The following ASPH variants were observed in gnomAD, a reference collection of about 807,000 sequenced individuals.
The protein encoded by ASPH is aspartate beta-hydroxylase.
In ASPH, 100 loss-of-function variants were observed where a neutral mutation model predicts 118.4. The observed-to-expected ratio is 0.84, with a 90% CI of 0.72 to 1.00. ASPH has a LOEUF of 1.00. Ranked by LOEUF, ASPH falls within the 50% of genes least tolerant of loss-of-function variation. ASPH has a pLI of 0.00. For synonymous variants in ASPH, 315 were observed against 325.6 expected (o/e 0.97, Z 0.35); for missense variants, 920 against 919.5 (o/e 1.00, Z -0.01).
At chr8:61,517,258 A>T in intron 24 of ASPH, 1 of 390,386 alleles carries the variant, frequency 2.6e-6, no homozygotes, top group Non-Finnish European at 4.7e-6. Flanking sequence ...ACATCTGTCT[A>T]CCCAGAGAGA....
intron 21 of ASPH, among the ~76,000 whole-genome samples, chr8:61,529,900 T>G (rs562747640): frequency 6.6e-6 from 1 of 152,324 alleles, no homozygotes; most frequent in South Asian, 2.1e-4. Context: ...CATGAATGTT[T>G]TGCCCTTAAG....
chr8:61,562,793 C>A lies in ASPH; in HGVS notation c.1388G>T (p.Gly463Val), dbSNP rs1201419884. Residue 463 changes from glycine (G) to valine (V), a missense_variant, in exon 18 of 25, where the codon GGA becomes GTA. Coordinates refer to ENST00000379454, the MANE Select transcript of ASPH (RefSeq NM_004318.4). ...GTCATTATCTCCTATCAAGAGGTAT[C>A]CCACGCCAAGGTCATTTTTTAAGGA... Reference protein sequence around the residue: ...DTSLKNDLGVGYLLIGDNDNA... With the variant: ...DTSLKNDLGVVYLLIGDNDNA... 3 of 1,612,384 alleles carry A rather than the reference C, an allele frequency of 1.9e-6. No individual in the cohort carries two copies. The highest frequency in any genetic ancestry group is 2.5e-6 in the Non-Finnish European group (3 of 1,179,370).
chr8:61,642,503 G>T (rs1315366683), intron 10 of ASPH, among the ~76,000 whole-genome samples: 1 of 152,196 alleles, frequency 6.6e-6, no homozygotes, highest in Non-Finnish European at 1.5e-5. Flanking sequence ...ATAGTTTAAA[G>T]CATAATGTTC....
chr8:61,521,006 C>A (rs529523126), intron 22 of ASPH, among the ~76,000 whole-genome samples: 7 of 152,340 alleles, frequency 4.6e-5, no homozygotes, highest in African/African-American at 1.7e-4. Context: ...CATTCATGCA[C>A]TGTCACTGGT....
rs140028454 is a variant in ASPH, at chr8:61,564,653, C to A, written c.1301-1773G>T. Reference sequence around the variant, plus strand: ...TGCCCGCATTGCCTCTCTGGAGTCCCGGCCCTGCCTTTTCTGTGCTGAATT... The same window carrying A: ...TGCCCGCATTGCCTCTCTGGAGTCCAGGCCCTGCCTTTTCTGTGCTGAATT... On this transcript the variant is annotated intron_variant, in intron 17 of 24. Transcript: ENST00000379454. 1.1e-3 allele frequency among the ~76,000 whole-genome samples: 172 copies of A among 152,298 alleles called. 1 individual carries two copies. The East Asian group carries it at 0.029, about 25-fold the overall frequency.
intron 22 of ASPH, among the ~76,000 whole-genome samples, chr8:61,519,296 A>C (rs1812073839): frequency 6.6e-6 from 1 of 152,186 alleles, no homozygotes; most frequent in South Asian, 2.1e-4. Flanking sequence ...CATTCATGAC[A>C]TACCTAATTT....
chr8:61,645,858 G>A (rs1807671206), intron 6 of ASPH, among the ~76,000 whole-genome samples: 1 of 152,184 alleles, frequency 6.6e-6, no homozygotes. Flanking sequence ...GTGCAAAGTA[G>A]ATAAACTACT....
At chr8:61,625,546 G>A (rs1852451357) in intron 13 of ASPH, 1 of 985,038 alleles carries the variant, frequency 1.0e-6, no homozygotes, top group South Asian at 4.7e-5. Flanking sequence ...TAATAGTAGG[G>A]CCATTCTTTT....
chr8:61,576,466 A>T (rs1380884127), intron 16 of ASPH: 3 of 236,434 alleles, frequency 1.3e-5, no homozygotes, highest in African/African-American at 6.8e-5. Context: ...AGGAGCCTCA[A>T]GTGAACACTG....
At position 61,503,264 on chromosome 8, in the gene ASPH, A is replaced by G. The variant is rs1805233181; in HGVS notation, c.*95T>C. ...CTCGGGCTGCAAGTCAAGGGAATTG[A>G]CTCTTGGTGTTCGAAATTCTATCCT... is the stretch of plus-strand genomic sequence containing the variant. On this transcript the variant is annotated 3_prime_UTR_variant, in exon 25 of 25. Coordinates refer to ENST00000379454, the MANE Select transcript of ASPH (RefSeq NM_004318.4). The G allele has an allele frequency of 1.4e-6, 2 of 1,400,406 alleles. No individual in the cohort carries two copies. Among genetic ancestry groups the G allele is most frequent in the South Asian group, 3.0e-5 (2 of 66,604 alleles). The allele number at this position is 1,400,406 out of a possible 1,614,324, so 86.7% of individuals were successfully genotyped here.
rs968134395 is a variant in ASPH, at chr8:61,501,420, G to C, written c.*1939C>G. On this transcript the variant is annotated 3_prime_UTR_variant, in exon 25 of 25. Coordinates refer to ENST00000379454, the MANE Select transcript of ASPH (RefSeq NM_004318.4). ...TACCATATTATATTTACTAAGTTAA[G>C]AGCTAGTTTTTACTCTCTTCCATAA... 1 of 152,092 alleles carries C rather than the reference G, an allele frequency of 6.6e-6. No homozygotes were observed. The highest frequency in any genetic ancestry group is 2.4e-5 in the African/African-American group (1 of 41,438). The allele number at this position is 152,092 out of a possible 1,614,324, so 9.4% of individuals were successfully genotyped here.
chr8:61,670,769 A>T (rs750031789), intron 3 of ASPH, among the ~76,000 whole-genome samples: 2 of 152,140 alleles, frequency 1.3e-5, no homozygotes, highest in Non-Finnish European at 2.9e-5. Flanking sequence ...TGAAAAAAAA[A>T]GGTGAGTGAA....
intron 21 of ASPH, among the ~76,000 whole-genome samples, chr8:61,537,986 C>T (rs955530511): frequency 5.9e-5 from 9 of 152,186 alleles, no homozygotes; most frequent in Non-Finnish European, 1.0e-4. Context: ...TAGCCTCAGC[C>T]GTGTGGACTC....
At chr8:61,637,838 G>T in intron 12 of ASPH, 109 bp downstream of exon 12, 1 of 1,023,546 alleles carries the variant, frequency 9.8e-7, no homozygotes, top group Non-Finnish European at 1.4e-6. Flanking sequence ...TGTACTCCTA[G>T]CTCCTATGCA....
intron 13 of ASPH, among the ~76,000 whole-genome samples, chr8:61,626,914 T>C (rs2150637737): frequency 6.6e-6 from 1 of 152,180 alleles, no homozygotes; most frequent in African/African-American, 2.4e-5. Flanking sequence ...TGTGTTACAA[T>C]TAAACTAGAA....
intron 5 of ASPH, among the ~76,000 whole-genome samples, chr8:61,650,339 G>T (rs563180835): frequency 1.4e-4 from 21 of 152,230 alleles, no homozygotes; most frequent in African/African-American, 5.1e-4. Context: ...TTTAAGAAAC[G>T]TAATTTTATT....
intron 14 of ASPH, among the ~76,000 whole-genome samples, chr8:61,601,539 C>CA (rs1843983410): frequency 7.9e-6 from 1 of 125,968 alleles, no homozygotes; most frequent in Admixed American, 8.3e-5. Flanking sequence ...GACTCCATCT[C>CA]AAAAAAAGAG....
intron 3 of ASPH, chr8:61,676,206 T>A: frequency 6.3e-7 from 1 of 1,598,884 alleles, no homozygotes; most frequent in Non-Finnish European, 8.5e-7. Context: ...GGAGTCATTA[T>A]ATCATAGAGA....
At chr8:61,603,411 A>G (rs1844690487) in intron 14 of ASPH, among the ~76,000 whole-genome samples, 1 of 152,114 alleles carries the variant, frequency 6.6e-6, no homozygotes, top group South Asian at 2.1e-4. Flanking sequence ...ATCTTGTGAG[A>G]TATTAATGTC....
Sources: gnomAD v4.1 joint callset for allele counts (sites outside exome capture counted in the v4.1 genomes callset) on GRCh38, gnomAD v4.1.1 for gene constraint, MANE v1.5 for transcripts, NCBI Gene and HGNC (gene_info 2026-07-23, HGNC 2026-07-21) for gene names.